PTBP3: variants seen among roughly 807,000 people sequenced by gnomAD.
The protein encoded by PTBP3 is polypyrimidine tract binding protein 3.
In PTBP3, 20 loss-of-function variants were observed where a neutral mutation model predicts 58.7. The observed-to-expected ratio is 0.34, with a 90% confidence interval of 0.24 to 0.50. The LOEUF is 0.50. Ranked by LOEUF, PTBP3 falls within the 20% of genes least tolerant of loss-of-function variation. The probability of loss-of-function intolerance (pLI) is 0.98; values close to 1 mark genes in which losing one functional copy is unlikely to be tolerated. For missense variants in PTBP3, 509 were observed against 637.2 expected (o/e 0.80, Z 2.17); for synonymous variants, 185 against 219.8 (o/e 0.84, Z 1.40).
At chr9:112,358,036 G>A in the PTBP3 span, among the ~76,000 whole-genome samples, 87 of 152,214 alleles carry the variant, frequency 5.7e-4, no homozygotes, top group South Asian at 1.2e-3. Context: ...GGCCAGGCGC[G>A]GTGGCTCATG....
chr9:112,262,200 A>G (rs1361321099), intron 5 of PTBP3, among the ~76,000 whole-genome samples: 2 of 152,126 alleles, frequency 1.3e-5, no homozygotes, highest in Admixed American at 1.3e-4. Context: ...ATGATTACCT[A>G]CAAGAAAAAA....
the PTBP3 span, among the ~76,000 whole-genome samples, chr9:112,340,567 T>C: frequency 6.6e-6 from 1 of 152,216 alleles, no homozygotes; most frequent in Non-Finnish European, 1.5e-5. Flanking sequence ...TGTCATGTTA[T>C]TGTCTTATCT....
At chr9:112,250,137 T>G (rs1380272413) in intron 7 of PTBP3, among the ~76,000 whole-genome samples, 1 of 152,100 alleles carries the variant, frequency 6.6e-6, no homozygotes, top group African/African-American at 2.4e-5. Context: ...CTTTTAATTT[T>G]CTCACCTATA....
At position 112,275,830 on chromosome 9, in the gene PTBP3, T is replaced by C. The variant is rs765629351; in HGVS notation, c.204+14A>G. The C allele has an allele frequency of 3.8e-6, 6 of 1,589,632 alleles. No individual in the cohort carries two copies. The highest frequency in any genetic ancestry group is 5.2e-6 in the Non-Finnish European group (6 of 1,160,462). On this transcript the variant is annotated intron_variant, in intron 3 of 13. Coordinates refer to ENST00000374257, the MANE Select transcript of PTBP3 (RefSeq NM_001163788.4). ...GAGATAATCACTCTTTGTCAATCTT[T>C]AAATATTACATACCTGGCTTTTTCC...
intron 7 of PTBP3, among the ~76,000 whole-genome samples, chr9:112,243,829 C>T (rs1475662584): frequency 6.6e-6 from 1 of 152,174 alleles, no homozygotes; most frequent in African/African-American, 2.4e-5. Flanking sequence ...TTAATCTTCA[C>T]AACCCTACCA....
At chr9:112,324,375 T>G (rs1830071326) in intron 1 of PTBP3, among the ~76,000 whole-genome samples, 1 of 152,178 alleles carries the variant, frequency 6.6e-6, no homozygotes, top group African/African-American at 2.4e-5. Context: ...GTTGAGGGCC[T>G]GGTGCAGTGG....
chr9:112,290,672 T>TAAAAAAAA (rs141146042), intron 2 of PTBP3, among the ~76,000 whole-genome samples: 76 of 52,888 alleles, frequency 1.4e-3, no homozygotes, highest in African/African-American at 5.7e-3. Flanking sequence ...ACTCTGTCTT[T>TAAAAAAAA]AAAAAAAAAA....
intron 1 of PTBP3, among the ~76,000 whole-genome samples, chr9:112,300,151 G>A (rs774552547): frequency 2.0e-5 from 3 of 152,170 alleles, no homozygotes; most frequent in Admixed American, 6.5e-5. Context: ...GTATAATTTA[G>A]TGAGAGTGTA....
rs1161911053 is a variant in PTBP3, at chr9:112,222,804, A to G, written c.*1047T>C. ...TCTTAAGCACATAATAAGGCACATA[A>G]TAAGAAATTAAGTAAATACACAGTA... On this transcript the variant is annotated 3_prime_UTR_variant, in exon 14 of 14. Coordinates refer to ENST00000374257, the MANE Select transcript of PTBP3 (RefSeq NM_001163788.4). 2.4e-5 allele frequency: 22 copies of G among 910,800 alleles called. No homozygotes were observed. The highest frequency in any genetic ancestry group is 2.9e-5 in the Non-Finnish European group (22 of 761,872). 56.4% of individuals were successfully genotyped at this position (910,800 alleles called of 1,614,324 possible). A position where few individuals can be genotyped will look rare whatever the true frequency, so the allele number is the denominator to read the frequency against.
At chr9:112,256,191 T>C (rs1836339785) in intron 5 of PTBP3, among the ~76,000 whole-genome samples, 1 of 149,378 alleles carries the variant, frequency 6.7e-6, no homozygotes, top group Non-Finnish European at 1.5e-5. Flanking sequence ...GAGGTGGAGG[T>C]TGCAGTGAGC....
At chr9:112,292,716 T>C (rs561952122) in intron 2 of PTBP3, among the ~76,000 whole-genome samples, 1 of 152,250 alleles carries the variant, frequency 6.6e-6, no homozygotes, top group South Asian at 2.1e-4. Context: ...ATGAGGTATC[T>C]AAAATAGCCA....
At chr9:112,277,195 T>C (rs1486197524) in intron 2 of PTBP3, among the ~76,000 whole-genome samples, 3 of 152,136 alleles carry the variant, frequency 2.0e-5, no homozygotes, top group Non-Finnish European at 4.4e-5. Context: ...AAATTCTCTA[T>C]GTTCATGAAT....
the PTBP3 span, among the ~76,000 whole-genome samples, chr9:112,371,641 A>G: frequency 2.4e-5 from 3 of 124,264 alleles, no homozygotes; most frequent in Admixed American, 9.9e-5. Context: ...AGAAGTTTTT[A>G]GTAGATTTTT....
intron 2 of PTBP3, among the ~76,000 whole-genome samples, chr9:112,291,264 T>G (rs1828409902): frequency 6.6e-6 from 1 of 152,062 alleles, no homozygotes; most frequent in Non-Finnish European, 1.5e-5. Context: ...GTTCATGGAT[T>G]GGAAGACTTG....
At chr9:112,236,818 ACT>A (rs1232321852) in intron 7 of PTBP3, among the ~76,000 whole-genome samples, 1 of 151,906 alleles carries the variant, frequency 6.6e-6, no homozygotes, top group Non-Finnish European at 1.5e-5. Flanking sequence ...CTTATTCTCG[ACT>A]CTCTGCCCCA....
chr9:112,313,209 C>CTT (rs11425168), intron 1 of PTBP3, among the ~76,000 whole-genome samples: 1 of 151,856 alleles, frequency 6.6e-6, no homozygotes, highest in African/African-American at 2.4e-5. Context: ...ATTAATAAGA[C>CTT]TTTTTTCTTT....
the PTBP3 span, among the ~76,000 whole-genome samples, chr9:112,377,109 A>T: frequency 5.3e-5 from 8 of 152,280 alleles, no homozygotes; most frequent in African/African-American, 1.9e-4. Flanking sequence ...ACAGGTTGAA[A>T]CATTTCCCAG....
At chr9:112,227,321 TAG>T in intron 12 of PTBP3, 88 bp downstream of exon 12, 2 of 1,388,392 alleles carry the variant, frequency 1.4e-6, no homozygotes, top group Non-Finnish European at 2.0e-6. Flanking sequence ...ACTGCTAGGT[TAG>T]AACAATTTCA....
intron 1 of PTBP3, among the ~76,000 whole-genome samples, chr9:112,331,491 T>C (rs1379839673): frequency 6.6e-6 from 1 of 152,248 alleles, no homozygotes; most frequent in Non-Finnish European, 1.5e-5. Flanking sequence ...TAAATGACTC[T>C]AGATGATGTA....
Sources: allele counts gnomAD v4.1 joint callset (sites outside exome capture counted in the v4.1 genomes callset), GRCh38; gene constraint gnomAD v4.1.1; transcripts MANE v1.5; gene names NCBI Gene and HGNC (gene_info 2026-07-23, HGNC 2026-07-21).